Variants in CDK13 observed in about 807,000 individuals in gnomAD.
CDK13 encodes the protein cyclin dependent kinase 13.
In CDK13, 40 loss-of-function variants were observed where a neutral mutation model predicts 137.6. The ratio of observed to expected loss-of-function variants is 0.29; its 90% CI spans 0.23 to 0.38. The LOEUF (loss-of-function observed/expected upper bound fraction) is 0.38. CDK13 is among the 10% of genes least tolerant of loss of function. The pLI is 1.00. For missense variants in CDK13, 1,704 were observed against 1,951.8 expected, an observed-to-expected ratio of 0.87 and a Z score of 2.39; for synonymous variants, 869 against 760.1, an observed-to-expected ratio of 1.14 and a Z score of -2.36.
In CDK13 at chr7:39,951,715, C is replaced by T. The variant is rs967451735; in HGVS notation, c.1074C>T (p.Ser358=). The change falls in exon 1 of 14, where the codon TCC becomes TCT. Residue 358 remains serine, a synonymous_variant. Coordinates refer to ENST00000181839, the MANE Select transcript of CDK13 (RefSeq NM_003718.5). ...SSPYSRRLPR[S]PSPYSRRRSP... ...CCTATTCTCGGCGGCTGCCGCGCTC[C>T]CCGAGCCCCTACAGTCGCCGCCGCT... is the stretch of plus-strand genomic sequence containing the variant. 6.8e-7 allele frequency: 1 copy of T among 1,479,388 alleles called. No individual in the cohort carries two copies. The allele number at this position is 1,479,388 out of a possible 1,614,324, so 91.6% of individuals were successfully genotyped here.
chr7:40,025,360 A>G (rs999170047), intron 5 of CDK13, among the ~76,000 whole-genome samples: 1 of 152,210 alleles, frequency 6.6e-6, no homozygotes, highest in East Asian at 1.9e-4. Flanking sequence ...TTTGTTGAAT[A>G]GTCTCACAAA....
chr7:40,054,107 T>C (rs1000096118), intron 7 of CDK13, among the ~76,000 whole-genome samples: 2 of 152,140 alleles, frequency 1.3e-5, no homozygotes, highest in African/African-American at 4.8e-5. Context: ...AAGTCTGCTT[T>C]AGAGGTACCA....
chr7:40,062,949 G>T (rs369808085), intron 8 of CDK13, 22 bp downstream of exon 8: 2 of 1,605,708 alleles, frequency 1.2e-6, no homozygotes, highest in African/African-American at 2.7e-5. Context: ...TTATTTACTG[G>T]TTTATTTTAC....
chr7:40,094,750 C>G lies in CDK13; in HGVS notation c.4309C>G (p.Leu1437Val). 6.2e-7 allele frequency: 1 copy of G among 1,613,792 alleles called. No homozygotes were observed. Among genetic ancestry groups the G allele is most frequent in the East Asian group, 2.2e-5 (1 of 44,872 alleles). Reference protein sequence around the residue: ...FEYSHGPIAVLANSSDPSTGP... With the variant: ...FEYSHGPIAVVANSSDPSTGP... ...ATATAGCCATGGTCCTATTGCAGTC[C>G]TGGCAAACAGCAGTGACCCTTCCAC... is the stretch of plus-strand genomic sequence containing the variant. The change falls in exon 14 of 14, where the codon CTG becomes GTG. Residue 1437 changes from leucine to valine, a missense_variant. Leu to Val is a conservative substitution (Grantham distance 32). Coordinates refer to ENST00000181839, the MANE Select transcript of CDK13 (RefSeq NM_003718.5).
chr7:39,982,918 C>T (rs535114820), intron 1 of CDK13, among the ~76,000 whole-genome samples: 2 of 151,832 alleles, frequency 1.3e-5, no homozygotes, highest in South Asian at 2.1e-4. Flanking sequence ...GGGTATTAGC[C>T]CTTTGTCAGA....
intron 1 of CDK13, among the ~76,000 whole-genome samples, chr7:39,965,446 C>CT (rs1355921739): frequency 9.9e-5 from 15 of 152,142 alleles, no homozygotes; most frequent in African/African-American, 3.4e-4. Flanking sequence ...CGACCACTGC[C>CT]TTTTTTTGTT....
At position 39,988,048 on chromosome 7, in the gene CDK13, T is replaced by C; in HGVS notation, c.1661T>C (p.Val554Ala). Residue 554 changes from valine (V) to alanine (A), a missense_variant, in exon 2 of 14, where the codon GTA becomes GCA. Val to Ala is a moderately conservative substitution (Grantham distance 64). Around this residue, in one of 5 missense-constraint regions of CDK13, gnomAD observed 1,051 missense variants for 931.0 expected, o/e 1.13. Coordinates refer to ENST00000181839, the MANE Select transcript of CDK13 (RefSeq NM_003718.5). ...QVTKVENNLIVDKATKKAVIV... is the reference protein window; with the variant it reads ...QVTKVENNLIADKATKKAVIV... ...ACGAAGGTGGAAAATAATTTGATTG[T>C]AGATAAAGCCACCAAGAAAGCAGTC... 6.2e-7 allele frequency: 1 copy of C among 1,614,158 alleles called. No individual in the cohort carries two copies. Among genetic ancestry groups the C allele is most frequent in the Non-Finnish European group, 8.5e-7 (1 of 1,180,016 alleles).
chr7:40,075,996 G>A (rs1786536617), intron 9 of CDK13, among the ~76,000 whole-genome samples: 1 of 152,012 alleles, frequency 6.6e-6, no homozygotes, highest in South Asian at 2.1e-4. Context: ...TCTCTCTTCT[G>A]GTAACATAAT....
At chr7:40,034,714 A>G (rs553520627) in intron 5 of CDK13, among the ~76,000 whole-genome samples, 1 of 152,326 alleles carries the variant, frequency 6.6e-6, no homozygotes, top group African/African-American at 2.4e-5. Context: ...GTTTTTAATA[A>G]TACATATTGT....
chr7:40,017,755 A>G (rs1273185695), intron 5 of CDK13, among the ~76,000 whole-genome samples: 1 of 151,632 alleles, frequency 6.6e-6, no homozygotes, highest in East Asian at 1.9e-4. Flanking sequence ...TAATTTTGGA[A>G]GGGTGGTTTC....
chr7:39,951,548 G>T lies in CDK13; in HGVS notation c.907G>T (p.Asp303Tyr). The change falls in exon 1 of 14, where the codon GAC (aspartate) becomes TAC (tyrosine). Residue 303 changes from aspartate to tyrosine, a missense_variant. Physicochemically the swap from Asp to Tyr is radical, Grantham distance 160. Coordinates refer to ENST00000181839, the MANE Select transcript of CDK13 (RefSeq NM_003718.5). Reference protein sequence around the residue: ...YKEPPKAYREDKTEPKAYRRR... With the variant: ...YKEPPKAYREYKTEPKAYRRR... ...GGAACCGCCCAAGGCCTACCGGGAG[G>T]ACAAGACCGAGCCTAAGGCCTACAG... 2 of 1,538,664 alleles carry T rather than the reference G, an allele frequency of 1.3e-6. No individual in the cohort carries two copies. The highest frequency in any genetic ancestry group is 1.7e-6 in the Non-Finnish European group (2 of 1,145,190).
At position 39,987,784 on chromosome 7, in the gene CDK13, G is replaced by C; in HGVS notation, c.1397G>C (p.Arg466Thr). Residue 466 changes from arginine (R) to threonine (T), a missense_variant, in exon 2 of 14, where the codon AGA becomes ACA. Around this residue, in one of 5 missense-constraint regions of CDK13, gnomAD observed 1,051 missense variants for 931.0 expected, o/e 1.13. Coordinates refer to ENST00000181839, the MANE Select transcript of CDK13 (RefSeq NM_003718.5). ...NKKARAAEAA[R>T]AAEAAKAAEA... The stretch of plus-strand genomic sequence containing the variant: ...AAAGCACGAGCAGCAGAGGCAGCAA[G>C]AGCCGCAGAAGCAGCGAAAGCTGCA... The C allele has an allele frequency of 6.2e-7, 1 of 1,614,006 alleles. No individual in the cohort carries two copies. The highest frequency in any genetic ancestry group is 8.5e-7 in the Non-Finnish European group (1 of 1,179,966).
Position 40,094,475 on chromosome 7 carries a change from C to T in CDK13, c.4034C>T (p.Ser1345Phe). ...YKDNFGSSSF[S>F]SAPYVSNDGL... ...GACAACTTTGGATCCTCTTCTTTCTCTTCTGCTCCTTATGTTAGCAATGAT... is the reference window on the plus strand; with the variant it reads ...GACAACTTTGGATCCTCTTCTTTCTTTTCTGCTCCTTATGTTAGCAATGAT... Residue 1345 changes from serine to phenylalanine, a missense_variant, in exon 14 of 14, where the codon TCT becomes TTT. Around this residue, in one of 5 missense-constraint regions of CDK13, gnomAD observed 475 missense variants for 579.3 expected, o/e 0.82. Coordinates refer to ENST00000181839, the MANE Select transcript of CDK13 (RefSeq NM_003718.5). 5.0e-6 allele frequency: 8 copies of T among 1,613,752 alleles called. No individual in the cohort carries two copies. The highest frequency in any genetic ancestry group is 5.9e-6 in the Non-Finnish European group (7 of 1,180,004).
At chr7:40,037,847 A>T (rs1785518554) in intron 5 of CDK13, among the ~76,000 whole-genome samples, 1 of 152,232 alleles carries the variant, frequency 6.6e-6, no homozygotes. Flanking sequence ...AATGCAGTTT[A>T]AGATTTCTTA....
rs1787107824 is a variant in CDK13 at position 39,950,435 on chromosome 7, C to T, written c.-207C>T. ...CTCCGCCGCCCGGATTCCTGCTTCC[C>T]TGGGGCCCGGAGGCTGCTGCGTACC... On this transcript the variant is annotated 5_prime_UTR_variant, in exon 1 of 14. Coordinates refer to ENST00000181839, the MANE Select transcript of CDK13 (RefSeq NM_003718.5). The T allele has an allele frequency of 8.1e-7, 1 of 1,234,264 alleles. No homozygotes were observed. The highest frequency in any genetic ancestry group is 1.6e-5 in the African/African-American group (1 of 64,460). 76.5% of individuals were successfully genotyped at this position (1,234,264 alleles called of 1,614,324 possible).
In CDK13 at chr7:40,055,873, C is replaced by T. The variant is rs781310718; in HGVS notation, c.2601-6953C>T. 1.3e-4 allele frequency among the ~76,000 whole-genome samples: 20 copies of T among 152,128 alleles called. 1 individual carries two copies. Among genetic ancestry groups the T allele is most frequent in the Non-Finnish European group, 2.6e-4 (18 of 68,010 alleles). ...CTGGGATTACAGGCATGAGCCACCA[C>T]GCCCGGATGGATTTTCTTTTATTTG... On this transcript the variant is annotated intron_variant, in intron 7 of 13. Transcript: ENST00000181839.
chr7:39,997,373 T>C (rs1784586926), intron 2 of CDK13, 121 bp from the exon 3 acceptor site: 2 of 782,786 alleles, frequency 2.6e-6, no homozygotes, highest in African/African-American at 1.8e-5. Flanking sequence ...TGGACAATAG[T>C]CTTATAATGT....
intron 2 of CDK13, among the ~76,000 whole-genome samples, chr7:39,991,074 TC>T (rs1784446010): frequency 1.3e-5 from 2 of 152,236 alleles, no homozygotes; most frequent in South Asian, 4.1e-4. Context: ...TGGTTTTCCA[TC>T]CCCTTTTATA....
At chr7:39,953,502 TATA>T (rs1787304472) in intron 1 of CDK13, among the ~76,000 whole-genome samples, 1 of 152,224 alleles carries the variant, frequency 6.6e-6, no homozygotes, top group South Asian at 2.1e-4. Flanking sequence ...TCCTTTATTG[TATA>T]ATAGTGGTAT....
Sources: allele counts gnomAD v4.1 joint callset (sites outside exome capture counted in the v4.1 genomes callset), GRCh38; gene constraint gnomAD v4.1.1; regional missense constraint gnomAD v4.1.1; transcripts MANE v1.5; gene names NCBI Gene and HGNC (gene_info 2026-07-23, HGNC 2026-07-21).